Variants in CELF2 observed in about 807,000 individuals in gnomAD.
CELF2 encodes the protein CUGBP Elav-like family member 2.
CELF2 carries 8 observed loss-of-function variants against 62.6 expected under a neutral mutation model. That is an observed-to-expected ratio of 0.13 (90% CI 0.07 to 0.23). The LOEUF (loss-of-function observed/expected upper bound fraction) is 0.23, where lower values mean the gene tolerates loss of function less well. Ranked by LOEUF, CELF2 falls within the 10% of genes least tolerant of loss-of-function variation. The pLI, the probability that CELF2 is intolerant of heterozygous loss-of-function variation, is 1.00. For missense variants in CELF2, 333 were observed against 671.0 expected (o/e 0.50, Z 5.56); for synonymous variants, 258 against 250.0 (o/e 1.03, Z -0.30).
the CELF2 span, among the ~76,000 whole-genome samples, chr10:10,621,241 C>T: frequency 1.0e-4 from 10 of 97,870 alleles, 1 homozygote; most frequent in Admixed American, 6.0e-4. Flanking sequence ...GGGACTCTGA[C>T]TCAAAAAAAA....
At chr10:10,915,132 A>T (rs1302471112) in intron 1 of CELF2, among the ~76,000 whole-genome samples, 3 of 5,218 alleles carry the variant, frequency 5.7e-4, no homozygotes, top group East Asian at 0.033. Flanking sequence ...ACTTTATTTT[A>T]AAAAAAAAAA....
At chr10:10,819,336 C>T (rs1011650662) in intron 1 of CELF2, among the ~76,000 whole-genome samples, 6 of 152,112 alleles carry the variant, frequency 3.9e-5, no homozygotes, top group East Asian at 3.9e-4. Flanking sequence ...TCAGACGCAG[C>T]GCTCTGGGAT....
rs1210814733 is a variant in CELF2, at chr10:11,052,463, A to C, written c.74+34300A>C. Among the ~76,000 whole-genome samples, 3 of 152,238 alleles carry C rather than the reference A, an allele frequency of 2.0e-5. No homozygotes were observed. In the East Asian group the frequency reaches 5.8e-4, roughly 29 times the overall value. On this transcript the variant is annotated intron_variant, in intron 1 of 12. Coordinates refer to ENST00000633077, the MANE Select transcript of CELF2 (RefSeq NM_001326342.2). ...GTAGGTTGTTTGGGCTCAGATGCTG[A>C]TGCTTGTTTCCTTAGATGATCATTG...
chr10:10,736,392 C>G, the CELF2 span, among the ~76,000 whole-genome samples: 1 of 77,996 alleles, frequency 1.3e-5, no homozygotes, highest in Non-Finnish European at 2.8e-5. Context: ...TTCTTTCTTT[C>G]TTTCTTTTTT....
intron 2 of CELF2, among the ~76,000 whole-genome samples, chr10:10,973,153 G>T (rs1445026351): frequency 6.6e-6 from 1 of 151,938 alleles, no homozygotes; most frequent in Non-Finnish European, 1.5e-5. Flanking sequence ...AGCCAGTCTT[G>T]GTGGCGTGCA....
intron 3 of CELF2, among the ~76,000 whole-genome samples, chr10:11,226,008 A>T (rs778414511): frequency 2.6e-5 from 4 of 151,932 alleles, no homozygotes; most frequent in Non-Finnish European, 5.9e-5. Flanking sequence ...CATTTCTAGG[A>T]CTGCCCAGTT....
At chr10:10,604,846 C>T in the CELF2 span, among the ~76,000 whole-genome samples, 2 of 152,196 alleles carry the variant, frequency 1.3e-5, no homozygotes, top group Admixed American at 6.5e-5. Flanking sequence ...TTCCATCTCA[C>T]CATTTTATTT....
the CELF2 span, among the ~76,000 whole-genome samples, chr10:10,485,700 G>C: frequency 1.3e-5 from 2 of 152,146 alleles, no homozygotes; most frequent in African/African-American, 4.8e-5. Context: ...AATGCTTTGT[G>C]TTTATATAGC....
chr10:11,072,411 G>A (rs145373241), intron 1 of CELF2, among the ~76,000 whole-genome samples: 7 of 152,286 alleles, frequency 4.6e-5, no homozygotes, highest in African/African-American at 1.7e-4. Flanking sequence ...ATGAATGGTT[G>A]GACTGTGTTT....
chr10:10,531,620 T>C, the CELF2 span, among the ~76,000 whole-genome samples: 1 of 152,180 alleles, frequency 6.6e-6, no homozygotes, highest in African/African-American at 2.4e-5. Flanking sequence ...AGGTACTTCC[T>C]AAGCCAGGTG....
At chr10:11,279,231 T>G (rs1024247832) in intron 8 of CELF2, among the ~76,000 whole-genome samples, 1 of 152,180 alleles carries the variant, frequency 6.6e-6, no homozygotes, top group Non-Finnish European at 1.5e-5. Flanking sequence ...TGATTCTGAG[T>G]AAAGCAAGTA....
In CELF2 at chr10:11,167,041, A is replaced by G. The variant is rs77982029; in HGVS notation, c.271+1359A>G. Among the ~76,000 whole-genome samples the G allele has an allele frequency of 3.9e-5, 6 of 152,376 alleles. No homozygotes were observed. In the East Asian group the frequency reaches 1.2e-3, roughly 29 times the overall value. Reference sequence around the variant, plus strand: ...AGCAAGGTTGTTTCAAAAAGCACATAGAATGTTGTCACCACAAACTTGATT... The same window carrying G: ...AGCAAGGTTGTTTCAAAAAGCACATGGAATGTTGTCACCACAAACTTGATT... On this transcript the variant is annotated intron_variant, in intron 2 of 12. Transcript: ENST00000633077.
intron 1 of CELF2, chr10:11,030,672 T>G (rs1220114260): frequency 6.6e-6 from 1 of 152,310 alleles, no homozygotes; most frequent in Non-Finnish European, 1.5e-5. Context: ...TTTTTTGGTG[T>G]AAACAGGTTG....
At position 11,335,636 on chromosome 10, in the gene CELF2, C is replaced by T. The variant is rs375693383; in HGVS notation, c.*6583C>T. 1 of 152,022 alleles carries T rather than the reference C, an allele frequency of 6.6e-6. No individual in the cohort carries two copies. The highest frequency in any genetic ancestry group is 1.5e-5 in the Non-Finnish European group (1 of 68,006). 9.4% of individuals were successfully genotyped at this position (152,022 alleles called of 1,614,324 possible). ...CTGCTTTCAGTCTCCTCATAGCCTT[C>T]GGCAGTCTCCTCTGAAAACACACTG... On this transcript the variant is annotated 3_prime_UTR_variant, in exon 13 of 13. Coordinates refer to ENST00000633077, the MANE Select transcript of CELF2 (RefSeq NM_001326342.2). The surrounding 1 kb of genome is among the most constrained non-coding windows in gnomAD (Gnocchi z 5.0).
At chr10:10,981,299 C>T (rs552580955) in intron 2 of CELF2, among the ~76,000 whole-genome samples, 42 of 152,276 alleles carry the variant, frequency 2.8e-4, no homozygotes, top group African/African-American at 9.9e-4. Flanking sequence ...CTTACTAAAC[C>T]GTACTCCCTG....
At chr10:11,257,603 A>T in intron 4 of CELF2, 135 bp from the exon 5 acceptor site, 1 of 856,906 alleles carries the variant, frequency 1.2e-6, no homozygotes, top group Non-Finnish European at 1.8e-6. Flanking sequence ...GGACAGCTGG[A>T]CGTCTGCAGA....
At chr10:10,493,493 C>CT in the CELF2 span, among the ~76,000 whole-genome samples, 6 of 146,848 alleles carry the variant, frequency 4.1e-5, no homozygotes, top group African/African-American at 1.5e-4. Flanking sequence ...AGCCCAAATT[C>CT]TTTTTTTGTT....
At chr10:10,752,688 C>CAAAAAAAAAAAAAAAAAAAAAAAAAA in the CELF2 span, among the ~76,000 whole-genome samples, 1 of 58,980 alleles carries the variant, frequency 1.7e-5, no homozygotes, top group Non-Finnish European at 3.2e-5. Flanking sequence ...GACTCCGTCT[C>CAAAAAAAAAAAAAAAAAAAAAAAAAA]AAAAAAAAAA....
In CELF2 at chr10:11,117,527, A is replaced by G. The variant is rs1215649984; in HGVS notation, c.75-47959A>G. ...AGGCCACTCCTTTAGACCTAGGTCC[A>G]TCTTGAGGTGTTGTTATACAGCCTC... On this transcript the variant is annotated intron_variant, in intron 1 of 12. Transcript: ENST00000633077. The surrounding 1 kb of genome is among the most constrained non-coding windows in gnomAD (Gnocchi z 4.1). Among the ~76,000 whole-genome samples, 1 of 152,194 alleles carries G rather than the reference A, an allele frequency of 6.6e-6. No individual in the cohort carries two copies. The highest frequency in any genetic ancestry group is 2.4e-5 in the African/African-American group (1 of 41,428).
Sources: allele counts gnomAD v4.1 joint callset (sites outside exome capture counted in the v4.1 genomes callset), GRCh38; gene constraint gnomAD v4.1.1; non-coding constraint Gnocchi (gnomAD v3.1); transcripts MANE v1.5; gene names NCBI Gene and HGNC (gene_info 2026-07-23, HGNC 2026-07-21).